Variants in VPS53 observed in about 807,000 individuals in gnomAD.
VPS53 encodes the protein VPS53 subunit of GARP complex.
Under a neutral mutation model 107.0 loss-of-function variants are expected in VPS53, and 70 were observed. That is an observed-to-expected ratio of 0.65 (90% CI 0.54 to 0.80). The LOEUF is 0.80. Ranked by LOEUF, VPS53 falls within the 30% of genes least tolerant of loss-of-function variation. The probability of loss-of-function intolerance (pLI) is 0.00; values close to 1 mark genes in which losing one functional copy is unlikely to be tolerated. For missense variants in VPS53, 917 were observed against 1,049.4 expected (o/e 0.87, Z 1.74); for synonymous variants, 409 against 393.3 (o/e 1.04, Z -0.47).
intron 13 of VPS53, among the ~76,000 whole-genome samples, chr17:563,831 G>A (rs905804240): frequency 6.6e-6 from 1 of 152,194 alleles, no homozygotes; most frequent in Admixed American, 6.5e-5. Flanking sequence ...GAACCTAAAT[G>A]TGCCCAAGAG....
chr17:594,359 A>G (rs1272939037), intron 12 of VPS53, among the ~76,000 whole-genome samples: 1 of 152,268 alleles, frequency 6.6e-6, no homozygotes, highest in Non-Finnish European at 1.5e-5. Flanking sequence ...TCAACACCGC[A>G]TGGGCTGGAG....
chr17:513,620 CG>C lies in VPS53; in HGVS notation c.*5507del, dbSNP rs1908089988. The C allele has an allele frequency of 2.2e-5, 3 of 135,928 alleles. No individual in the cohort carries two copies. Among genetic ancestry groups the C allele is most frequent in the Non-Finnish European group, 4.7e-5 (3 of 63,642 alleles). The allele number at this position is 135,928 out of a possible 1,614,324, so 8.4% of individuals were successfully genotyped here. On this transcript the variant is annotated 3_prime_UTR_variant, in exon 22 of 22. Coordinates refer to ENST00000437048, the MANE Select transcript of VPS53 (RefSeq NM_001128159.3). The stretch of plus-strand genomic sequence containing the variant: ...AGGTTGTTCTGAGTGCTCTTCCTAG[CG>C]AAGGAATCCCATTTCCAGCAGGTTA...
chr17:682,636 C>A (rs1005263723), intron 4 of VPS53, among the ~76,000 whole-genome samples: 10 of 152,170 alleles, frequency 6.6e-5, no homozygotes, highest in African/African-American at 1.9e-4. Context: ...CTCTCAGGCT[C>A]TTTTCCAAGA....
At chr17:588,084 A>G (rs1020625886) in intron 12 of VPS53, among the ~76,000 whole-genome samples, 3 of 152,144 alleles carry the variant, frequency 2.0e-5, no homozygotes, top group African/African-American at 7.2e-5. Context: ...TTGGGAGGCC[A>G]AGGTGGGCGG....
chr17:694,941 G>A (rs950605849), intron 4 of VPS53, among the ~76,000 whole-genome samples: 1 of 152,158 alleles, frequency 6.6e-6, no homozygotes, highest in South Asian at 2.1e-4. Context: ...CTGGCCTCAA[G>A]TCATCCTCCC....
intron 11 of VPS53, among the ~76,000 whole-genome samples, chr17:608,617 CTTTTCT>C (rs1486677276): frequency 2.2e-5 from 3 of 135,870 alleles, no homozygotes; most frequent in African/African-American, 8.1e-5. Flanking sequence ...CTTTTCTTTT[CTTTTCT>C]TTTTTTTTTT....
intron 10 of VPS53, among the ~76,000 whole-genome samples, chr17:623,918 T>C (rs984837728): frequency 4.6e-5 from 7 of 151,610 alleles, no homozygotes; most frequent in African/African-American, 1.7e-4. Context: ...TATATATACT[T>C]ATATTTATTT....
chr17:548,935 C>G (rs1282258739), intron 17 of VPS53, among the ~76,000 whole-genome samples: 1 of 152,196 alleles, frequency 6.6e-6, no homozygotes, highest in Admixed American at 6.5e-5. Context: ...TTTGCCTCCC[C>G]ACCTGGATAT....
Position 513,405 on chromosome 17 carries a change from TA to T in VPS53, c.*5722del, listed in dbSNP as rs1908072277. On this transcript the variant is annotated 3_prime_UTR_variant, in exon 22 of 22. Coordinates refer to ENST00000437048, the MANE Select transcript of VPS53 (RefSeq NM_001128159.3). ...TCCAAGAGGCTATTCTGATGAATACTAAAACAGGACTGGGAATTTTTATTTA... is the reference window on the plus strand; with the variant it reads ...TCCAAGAGGCTATTCTGATGAATACTAAACAGGACTGGGAATTTTTATTTA... 1 of 152,214 alleles carries T rather than the reference TA, an allele frequency of 6.6e-6. No individual in the cohort carries two copies. The highest frequency in any genetic ancestry group is 2.4e-5 in the African/African-American group (1 of 41,452). 9.4% of individuals were successfully genotyped at this position (152,214 alleles called of 1,614,324 possible). A position where few individuals can be genotyped will look rare whatever the true frequency, so the allele number is the denominator to read the frequency against.
chr17:555,911 G>A (rs1046242915), intron 15 of VPS53, among the ~76,000 whole-genome samples: 10 of 152,114 alleles, frequency 6.6e-5, no homozygotes, highest in African/African-American at 2.4e-4. Flanking sequence ...AATCTACAGG[G>A]CAAACAACAC....
At chr17:527,311 T>C (rs570003273) in intron 19 of VPS53, among the ~76,000 whole-genome samples, 4 of 152,322 alleles carry the variant, frequency 2.6e-5, no homozygotes, top group African/African-American at 7.2e-5. Flanking sequence ...CTGTAGCTAG[T>C]TGCCTGCTTC....
intron 4 of VPS53, among the ~76,000 whole-genome samples, chr17:672,332 TC>T (rs1971998846): frequency 6.6e-6 from 1 of 151,956 alleles, no homozygotes; most frequent in Non-Finnish European, 1.5e-5. Context: ...TTCCAAATAA[TC>T]CCCCTTTTGC....
chr17:612,402 T>A (rs984147143), intron 11 of VPS53, among the ~76,000 whole-genome samples: 1 of 122,802 alleles, frequency 8.1e-6, no homozygotes, highest in African/African-American at 3.1e-5. Context: ...ACAGCAGTAT[T>A]CAAATAGTGA....
intron 4 of VPS53, among the ~76,000 whole-genome samples, chr17:689,869 T>C (rs945642002): frequency 2.6e-5 from 4 of 152,206 alleles, no homozygotes; most frequent in Admixed American, 1.3e-4. Flanking sequence ...ACTTTGCTGC[T>C]TTAGTTCATA....
chr17:597,760 T>A (rs1271029553), intron 12 of VPS53, among the ~76,000 whole-genome samples: 1 of 152,094 alleles, frequency 6.6e-6, no homozygotes, highest in East Asian at 1.9e-4. Flanking sequence ...GGTTTCAACA[T>A]AGTTTCACCA....
intron 1 of VPS53, among the ~76,000 whole-genome samples, chr17:711,333 G>A (rs1973635732): frequency 6.6e-6 from 1 of 152,222 alleles, no homozygotes; most frequent in Non-Finnish European, 1.5e-5. Flanking sequence ...GCTTGATAGA[G>A]TTACAACTGT....
At chr17:632,086 G>A (rs1969990365) in intron 7 of VPS53, among the ~76,000 whole-genome samples, 1 of 152,008 alleles carries the variant, frequency 6.6e-6, no homozygotes, top group South Asian at 2.1e-4. Context: ...CAGTCTCCAC[G>A]AAAAACAAAC....
At chr17:642,119 C>G (rs1970444863) in intron 7 of VPS53, among the ~76,000 whole-genome samples, 1 of 152,182 alleles carries the variant, frequency 6.6e-6, no homozygotes, top group African/African-American at 2.4e-5. Context: ...AAAGAAAACA[C>G]CCCCAACAGT....
At chr17:704,062 A>C (rs1416277480) in intron 2 of VPS53, among the ~76,000 whole-genome samples, 1 of 152,082 alleles carries the variant, frequency 6.6e-6, no homozygotes, top group African/African-American at 2.4e-5. Flanking sequence ...ATCCCCATAT[A>C]ACTCTTTTCT....
Sources: gnomAD v4.1 joint callset for allele counts (sites outside exome capture counted in the v4.1 genomes callset) on GRCh38, gnomAD v4.1.1 for gene constraint, MANE v1.5 for transcripts, NCBI Gene and HGNC (gene_info 2026-07-23, HGNC 2026-07-21) for gene names.